ADCY7: variants seen among roughly 807,000 people sequenced by gnomAD.
ADCY7 encodes adenylate cyclase 7, also known as adenylate cyclase type 7.
In ADCY7, 72 loss-of-function variants were observed where a neutral mutation model predicts 120.6. That is an observed-to-expected ratio of 0.60 (90% CI 0.49 to 0.73). ADCY7 has a LOEUF of 0.73. Among genes scored for constraint, ADCY7 ranks in the 30% least tolerant of loss-of-function variants. ADCY7 has a pLI of 0.00. For synonymous variants in ADCY7, 661 were observed against 628.0 expected, an observed-to-expected ratio of 1.05 and a Z score of -0.78; for missense variants, 1,227 against 1,486.0, an observed-to-expected ratio of 0.83 and a Z score of 2.87.
intron 4 of ADCY7, among the ~76,000 whole-genome samples, chr16:50,292,458 C>G (rs2035048782): frequency 1.3e-5 from 2 of 152,182 alleles, no homozygotes; most frequent in African/African-American, 4.8e-5. Flanking sequence ...TCTTCTGCCT[C>G]CCTGGGTGTC....
chr16:50,291,666 C>CA, intron 3 of ADCY7, 70 bp from the exon 4 acceptor site: 7 of 1,592,752 alleles, frequency 4.4e-6, no homozygotes, highest in Non-Finnish European at 6.0e-6. Context: ...TGCTGTGGTG[C>CA]AGGGTTCCGG....
chr16:50,279,607 A>C (rs1473515202), intron 1 of ADCY7: 1 of 152,212 alleles, frequency 6.6e-6, no homozygotes, highest in African/African-American at 2.4e-5. Context: ...AGTGCTAAGG[A>C]TTCTGCCTTC....
At chr16:50,257,637 A>C (rs576110419) in intron 1 of ADCY7, among the ~76,000 whole-genome samples, 30 of 152,118 alleles carry the variant, frequency 2.0e-4, no homozygotes, top group Middle Eastern at 3.4e-3. Flanking sequence ...ATATTGCTAA[A>C]CATTAGCAGT....
intron 1 of ADCY7, among the ~76,000 whole-genome samples, chr16:50,274,558 C>T (rs561019642): frequency 7.2e-5 from 11 of 152,234 alleles, no homozygotes; most frequent in South Asian, 4.1e-4. Flanking sequence ...AGGCCTGGAT[C>T]GGGTTCTCAG....
intron 1 of ADCY7, among the ~76,000 whole-genome samples, chr16:50,248,044 C>G (rs1165701417): frequency 1.3e-5 from 2 of 152,158 alleles, no homozygotes; most frequent in African/African-American, 4.8e-5. Context: ...GTCCCATTTG[C>G]AGATGAGAAA....
chr16:50,274,130 C>G (rs998656671), intron 1 of ADCY7: 1 of 152,074 alleles, frequency 6.6e-6, no homozygotes, highest in South Asian at 2.1e-4. Flanking sequence ...TTTGGGGAAC[C>G]GAAATCAGCC....
rs1053474086 is a variant in ADCY7, at chr16:50,268,835, G to C, written c.-269+2155G>C. On this transcript the variant is annotated intron_variant, in intron 1 of 25. Coordinates refer to ENST00000673801, the MANE Select transcript of ADCY7 (RefSeq NM_001114.5). ...GCGGATCACTTGAGCCCAGGGGTTC[G>C]AGACCAGCCTGGGCAACATGGCGAA... Among the ~76,000 whole-genome samples the C allele has an allele frequency of 4.6e-5, 7 of 152,150 alleles. No individual in the cohort carries two copies. The East Asian group carries it at 1.4e-3, about 29-fold the overall frequency.
chr16:50,311,557 G>A, intron 19 of ADCY7, 136 bp from the exon 20 acceptor site: 9 of 643,504 alleles, frequency 1.4e-5, no homozygotes, highest in South Asian at 1.8e-5. Flanking sequence ...ATACCCCAAA[G>A]TTGTCTTGTT....
rs76547944 is a variant in ADCY7, at chr16:50,308,689, C to T, written c.1958C>T (p.Thr653Met). The change falls in exon 17 of 26, where the codon ACG becomes ATG. Residue 653 changes from threonine to methionine, a missense_variant. Around this residue, in one of 5 missense-constraint regions of ADCY7, gnomAD observed 267 missense variants for 270.0 expected, o/e 0.99. Transcript: ENST00000673801. ...KFSRCCPARG[T>M]LCTISERVET... is the part of the protein sequence containing the mutation. Reference sequence around the variant, plus strand: ...CAGAGGTGCTGCCCAGCTCGGGGGACGCTCTGCACTATCTCTGAGAGGGTG... The same window carrying T: ...CAGAGGTGCTGCCCAGCTCGGGGGATGCTCTGCACTATCTCTGAGAGGGTG... 81 of 1,613,298 alleles carry T rather than the reference C, an allele frequency of 5.0e-5. No individual in the cohort carries two copies. In the South Asian group the frequency reaches 5.2e-4, roughly 10 times the overall value.
In ADCY7 at chr16:50,308,388, C is replaced by A. The variant is rs765332803; in HGVS notation, c.1912C>A (p.Leu638Met). The A allele has an allele frequency of 9.3e-6, 15 of 1,613,870 alleles. No homozygotes were observed. The highest frequency in any genetic ancestry group is 1.3e-5 in the Non-Finnish European group (15 of 1,179,994). ...VACVLGLVLG[L>M]CFATKFSRCC... ...CTGTGTACTGGGGCTGGTGCTGGGC[C>A]TGTGCTTTGCCACCAAGTTCTCGGT... Residue 638 changes from leucine to methionine, a missense_variant, in exon 16 of 26, where the codon CTG becomes ATG. Transcript: ENST00000673801.
chr16:50,301,478 C>A (rs909768642), intron 10 of ADCY7, among the ~76,000 whole-genome samples: 2 of 152,234 alleles, frequency 1.3e-5, no homozygotes, highest in African/African-American at 4.8e-5. Context: ...CTTCACAGTG[C>A]GCCTGGCACG....
At chr16:50,299,372 G>T (rs962233789) in intron 8 of ADCY7, among the ~76,000 whole-genome samples, 2 of 152,238 alleles carry the variant, frequency 1.3e-5, no homozygotes, top group Non-Finnish European at 2.9e-5. Context: ...GGACCTTTCC[G>T]ACCCAGGGGT....
Position 50,291,794 on chromosome 16 carries a change from G to T in ADCY7, c.434G>T (p.Arg145Leu). The stretch of plus-strand genomic sequence containing the variant: ...TACACACTACTGCCCTTCAGCATGC[G>T]GGGCGCTGTCGCCGTTGGGGCCGTC... The part of the protein sequence containing the change: ...VVYTLLPFSM[R>L]GAVAVGAVST... The change falls in exon 4 of 26, where the codon CGG becomes CTG. Residue 145 changes from arginine to leucine, a missense_variant. This residue lies in a region of ADCY7 where 382 missense variants were observed against 411.4 expected (regional missense o/e 0.93). Transcript: ENST00000673801. The T allele has an allele frequency of 6.2e-7, 1 of 1,614,116 alleles. No homozygotes were observed. The highest frequency in any genetic ancestry group is 1.1e-5 in the South Asian group (1 of 91,088).
At chr16:50,247,330 C>A (rs1313675527) in intron 1 of ADCY7, among the ~76,000 whole-genome samples, 3 of 152,040 alleles carry the variant, frequency 2.0e-5, no homozygotes, top group Non-Finnish European at 4.4e-5. Flanking sequence ...AGGTGAGAAC[C>A]CTGCATGGTG....
chr16:50,287,165 G>A (rs1489765424), intron 1 of ADCY7, among the ~76,000 whole-genome samples: 6 of 151,752 alleles, frequency 4.0e-5, no homozygotes, highest in Non-Finnish European at 5.9e-5. Context: ...ACAGGCACAC[G>A]TCACCATGTC....
chr16:50,304,935 A>G lies in ADCY7; in HGVS notation c.1571A>G (p.Gln524Arg), dbSNP rs1193251873. 7 of 1,613,326 alleles carry G rather than the reference A, an allele frequency of 4.3e-6. No homozygotes were observed. In the Admixed American group the frequency reaches 6.7e-5, roughly 15 times the overall value. ...TCCCTTCCCTTTCAGAGCGTTCCCCAGCGCCACCGCCGGACCCCAGACAGG... is the reference window on the plus strand; with the variant it reads ...TCCCTTCCCTTTCAGAGCGTTCCCCGGCGCCACCGCCGGACCCCAGACAGG... ...PNGRRPKSVPQRHRRTPDRSM... is the reference protein window; with the variant it reads ...PNGRRPKSVPRRHRRTPDRSM... Residue 524 changes from glutamine (Q) to arginine (R), a missense_variant, in exon 12 of 26, where the codon CAG (glutamine) becomes CGG (arginine). Around this residue, in one of 5 missense-constraint regions of ADCY7, gnomAD observed 332 missense variants for 455.8 expected, o/e 0.73. Transcript: ENST00000673801.
At position 50,317,504 on chromosome 16, in the gene ADCY7, T is replaced by TTTTTCTTCA. The variant is rs1163465744; in HGVS notation, c.*2000_*2008dup. 1 of 152,370 alleles carries TTTTTCTTCA rather than the reference T, an allele frequency of 6.6e-6. No individual in the cohort carries two copies. Among genetic ancestry groups the TTTTTCTTCA allele is most frequent in the African/African-American group, 2.4e-5 (1 of 41,454 alleles). The allele number at this position is 152,370 out of a possible 1,614,324, so 9.4% of individuals were successfully genotyped here. ...TATTTGTACTCTTGGAATATTTGTT[T>TTTTTCTTCA]TTTTCTTCAGTAACAACAGAAACCC... On this transcript the variant is annotated 3_prime_UTR_variant, in exon 26 of 26. Coordinates refer to ENST00000673801, the MANE Select transcript of ADCY7 (RefSeq NM_001114.5).
At chr16:50,282,438 A>T (rs574731521) in intron 1 of ADCY7, among the ~76,000 whole-genome samples, 3 of 152,254 alleles carry the variant, frequency 2.0e-5, no homozygotes, top group African/African-American at 7.2e-5. Context: ...GTCCTGCCTT[A>T]GTTGCAGGGA....
chr16:50,291,119 C>T (rs1486077867), intron 3 of ADCY7, among the ~76,000 whole-genome samples: 2 of 152,082 alleles, frequency 1.3e-5, no homozygotes, highest in Admixed American at 1.3e-4. Flanking sequence ...GACCTGCAGG[C>T]TTGAGCCACA....
Sources: gnomAD v4.1 joint callset for allele counts (sites outside exome capture counted in the v4.1 genomes callset) on GRCh38, gnomAD v4.1.1 for gene constraint, gnomAD v4.1.1 regional missense constraint, MANE v1.5 for transcripts, NCBI Gene and HGNC (gene_info 2026-07-23, HGNC 2026-07-21) for gene names.